Variants in TGFBR1 observed in about 807,000 individuals in gnomAD.
TGFBR1 encodes transforming growth factor beta receptor 1, also known as TGF-beta receptor type-1.
TGFBR1 carries 20 observed loss-of-function variants against 55.1 expected under a neutral mutation model. That is an observed-to-expected ratio of 0.36 (90% confidence interval 0.26 to 0.53). TGFBR1 has a LOEUF of 0.53. Among genes scored for constraint, TGFBR1 ranks in the 20% least tolerant of loss-of-function variants. TGFBR1 has a pLI of 0.91. For synonymous variants in TGFBR1, 220 were observed against 214.8 expected (o/e 1.02, Z -0.21); for missense variants, 385 against 617.6 (o/e 0.62, Z 3.99).
At chr9:99,147,421 A>G (rs926995272) in intron 7 of TGFBR1, among the ~76,000 whole-genome samples, 2 of 152,192 alleles carry the variant, frequency 1.3e-5, no homozygotes, top group Non-Finnish European at 2.9e-5. Context: ...GTCATTTCAA[A>G]TAGGCTTTAT....
At chr9:99,132,853 A>G (rs1827288316) in intron 3 of TGFBR1, 114 bp downstream of exon 3, 2 of 1,398,746 alleles carry the variant, frequency 1.4e-6, no homozygotes, top group Admixed American at 2.1e-5. Context: ...TATAAATAAT[A>G]TTGCAGGTTT....
At chr9:99,144,190 A>C (rs1178521096) in intron 5 of TGFBR1, among the ~76,000 whole-genome samples, 3 of 152,198 alleles carry the variant, frequency 2.0e-5, no homozygotes, top group Non-Finnish European at 4.4e-5. Flanking sequence ...TGATAACTCT[A>C]TTTAATGGTT....
At chr9:99,111,935 G>C (rs368963308) in intron 1 of TGFBR1, among the ~76,000 whole-genome samples, 59 of 152,322 alleles carry the variant, frequency 3.9e-4, no homozygotes, top group African/African-American at 1.3e-3. Context: ...GGTAGGACTT[G>C]ATCTCTCTGC....
chr9:99,125,160 T>C (rs1290773146), intron 1 of TGFBR1, among the ~76,000 whole-genome samples: 1 of 152,226 alleles, frequency 6.6e-6, no homozygotes, highest in Non-Finnish European at 1.5e-5. Flanking sequence ...AAGCTGTGAG[T>C]AGTGCCTCTT....
At chr9:99,124,478 C>T (rs189597235) in intron 1 of TGFBR1, among the ~76,000 whole-genome samples, 38 of 151,842 alleles carry the variant, frequency 2.5e-4, no homozygotes, top group Middle Eastern at 6.8e-3. Context: ...TGAAATTTTG[C>T]CATGTATATG....
At chr9:99,124,941 A>G (rs1826996458) in intron 1 of TGFBR1, among the ~76,000 whole-genome samples, 1 of 152,214 alleles carries the variant, frequency 6.6e-6, no homozygotes, top group Non-Finnish European at 1.5e-5. Flanking sequence ...ATGAAACTAG[A>G]TATAAAACCC....
chr9:99,122,754 CT>C (rs1314984067), intron 1 of TGFBR1, among the ~76,000 whole-genome samples: 3 of 152,110 alleles, frequency 2.0e-5, no homozygotes, highest in Non-Finnish European at 4.4e-5. Flanking sequence ...GTAGCTTTTC[CT>C]TTTAGTGCTG....
At chr9:99,148,591 T>C (rs1391315097) in intron 8 of TGFBR1, among the ~76,000 whole-genome samples, 1 of 152,224 alleles carries the variant, frequency 6.6e-6, no homozygotes, top group African/African-American at 2.4e-5. Context: ...GAGAGCTTGC[T>C]ACCTCCAACA....
rs897701457 is a variant in TGFBR1 at position 99,147,748 on chromosome 9, A to G, written c.1350A>G (p.Leu450=). 3 of 1,613,790 alleles carry G rather than the reference A, an allele frequency of 1.9e-6. No individual in the cohort carries two copies. The highest frequency in any genetic ancestry group is 2.7e-5 in the African/African-American group (2 of 74,924). ...GAAAAGTTGTTTGTGAACAGAAGTT[A>G]AGGCCAAATATCCCAAACAGATGGC... The part of the protein sequence containing the change: ...EMRKVVCEQK[L]RPNIPNRWQS... The change falls in exon 8 of 9, where the codon TTA becomes TTG. Residue 450 remains leucine (L), a synonymous_variant. Coordinates refer to ENST00000374994, the MANE Select transcript of TGFBR1 (RefSeq NM_004612.4).
chr9:99,107,810 C>G (rs967596696), intron 1 of TGFBR1, among the ~76,000 whole-genome samples: 3 of 152,224 alleles, frequency 2.0e-5, no homozygotes, highest in Admixed American at 1.3e-4. Context: ...CGAGCAATTT[C>G]TCTTTCTCAC....
chr9:99,127,328 C>CT (rs1827070578), intron 1 of TGFBR1, among the ~76,000 whole-genome samples: 1 of 152,158 alleles, frequency 6.6e-6, no homozygotes, highest in Non-Finnish European at 1.5e-5. Context: ...TGGTCAGTCA[C>CT]TTAGGCTTGC....
intron 4 of TGFBR1, among the ~76,000 whole-genome samples, chr9:99,138,866 C>T (rs1177012102): frequency 6.6e-6 from 1 of 151,882 alleles, no homozygotes; most frequent in Non-Finnish European, 1.5e-5. Context: ...GGTGCAATCT[C>T]GGCTCACTGC....
chr9:99,104,915 C>T (rs1280149039), upstream of TGFBR1, among the ~76,000 whole-genome samples: 4 of 151,882 alleles, frequency 2.6e-5, no homozygotes, highest in African/African-American at 2.4e-5. Flanking sequence ...GCGGCCCAGC[C>T]CCCGGGGAGC....
intron 8 of TGFBR1, among the ~76,000 whole-genome samples, chr9:99,148,967 G>T (rs1253184061): frequency 6.6e-6 from 1 of 152,172 alleles, no homozygotes; most frequent in Non-Finnish European, 1.5e-5. Flanking sequence ...TTTGCTAAAT[G>T]AGTCACTCTT....
chr9:99,137,071 A>G (rs1032024570), intron 3 of TGFBR1, among the ~76,000 whole-genome samples: 1 of 152,202 alleles, frequency 6.6e-6, no homozygotes, highest in Non-Finnish European at 1.5e-5. Context: ...TTAAAAATAC[A>G]TATTTTGGAG....
chr9:99,126,023 T>G (rs967031418), intron 1 of TGFBR1, among the ~76,000 whole-genome samples: 4 of 152,134 alleles, frequency 2.6e-5, no homozygotes, highest in Admixed American at 2.0e-4. Flanking sequence ...ATGGAACATA[T>G]TGAAAGGAGA....
chr9:99,146,845 C>T (rs1341222423), intron 7 of TGFBR1, among the ~76,000 whole-genome samples: 2 of 152,194 alleles, frequency 1.3e-5, no homozygotes, highest in Non-Finnish European at 2.9e-5. Context: ...TCTGGAGACT[C>T]ATCAGAACCC....
chr9:99,112,491 A>G (rs1588561620), intron 1 of TGFBR1, among the ~76,000 whole-genome samples: 1 of 152,214 alleles, frequency 6.6e-6, no homozygotes, highest in East Asian at 1.9e-4. Context: ...ATATGTACTT[A>G]TTTACTGTTT....
intron 1 of TGFBR1, among the ~76,000 whole-genome samples, chr9:99,107,907 T>C (rs1826459776): frequency 6.6e-6 from 1 of 152,226 alleles, no homozygotes; most frequent in Non-Finnish European, 1.5e-5. Flanking sequence ...CCTGACTTCC[T>C]GTGCTGGTTT....
Sources: allele counts gnomAD v4.1 joint callset (sites outside exome capture counted in the v4.1 genomes callset), GRCh38; gene constraint gnomAD v4.1.1; transcripts MANE v1.5; gene names NCBI Gene and HGNC (gene_info 2026-07-23, HGNC 2026-07-21).